GATA4: variants seen among roughly 807,000 people sequenced by gnomAD.
The protein encoded by GATA4 is transcription factor GATA-4.
Under a neutral mutation model 37.9 loss-of-function variants are expected in GATA4, and 7 were observed. That is an observed-to-expected ratio of 0.18 (90% CI 0.11 to 0.35). GATA4 has a LOEUF of 0.35. GATA4 is among the 10% of genes least tolerant of loss of function. The pLI, the probability that GATA4 is intolerant of heterozygous loss-of-function variation, is 1.00. For missense variants in GATA4, 647 were observed against 653.0 expected, an observed-to-expected ratio of 0.99 and a Z score of 0.10; for synonymous variants, 372 against 292.6, an observed-to-expected ratio of 1.27 and a Z score of -2.77.
At chr8:11,733,789 C>T (rs1801319952) in intron 2 of GATA4, among the ~76,000 whole-genome samples, 2 of 152,146 alleles carry the variant, frequency 1.3e-5, no homozygotes, top group South Asian at 4.1e-4. Context: ...ACTGAGGGAG[C>T]CCATTTCTGG....
chr8:11,707,457 GGAGAT>G lies in GATA4; in HGVS notation c.-457-394_-457-390del. 6.6e-6 allele frequency among the ~76,000 whole-genome samples: 1 copy of G among 152,266 alleles called. No individual in the cohort carries two copies. Among genetic ancestry groups the G allele is most frequent in the African/African-American group, 2.4e-5 (1 of 41,546 alleles). On this transcript the variant is annotated intron_variant, in intron 1 of 6. Transcript: ENST00000532059. This position sits in a 1 kb window ranked among gnomAD's most constrained non-coding sequence, Gnocchi z 4.7. ...TTCTTGGGGAGAGATGGGGAACAGAGGAGATGAGAGATTTCTTGGGTCCCAGGCAC... is the reference window on the plus strand; with the variant it reads ...TTCTTGGGGAGAGATGGGGAACAGAGGAGAGATTTCTTGGGTCCCAGGCAC...
chr8:11,691,784 T>C (rs1314583193), upstream of GATA4, among the ~76,000 whole-genome samples: 2 of 152,100 alleles, frequency 1.3e-5, no homozygotes, highest in African/African-American at 4.8e-5. Flanking sequence ...CACAGCAACC[T>C]GGGGTCCCTC....
At chr8:11,737,524 G>GC (rs751757419) in intron 2 of GATA4, among the ~76,000 whole-genome samples, 3 of 152,234 alleles carry the variant, frequency 2.0e-5, no homozygotes, top group Non-Finnish European at 4.4e-5. Flanking sequence ...TCTGGCCAAA[G>GC]CTCCATTGCA....
intron 1 of GATA4, among the ~76,000 whole-genome samples, chr8:11,685,186 A>G (rs957998837): frequency 1.8e-4 from 27 of 152,250 alleles, no homozygotes; most frequent in African/African-American, 5.5e-4. Flanking sequence ...CGATCATTAA[A>G]TTATGTTTTC....
rs919758651 is a variant in GATA4 at position 11,707,065 on chromosome 8, A to G, written c.-457-791A>G. On this transcript the variant is annotated intron_variant, in intron 1 of 6. Coordinates refer to ENST00000532059, the MANE Select transcript of GATA4 (RefSeq NM_001308093.3). This position sits in a 1 kb window ranked among gnomAD's most constrained non-coding sequence, Gnocchi z 4.7. ...CTTATGGGTGGATTTATTATTCTAT[A>G]TGAAGAACCCATTCAGTGAATTAGA... Among the ~76,000 whole-genome samples, 1 of 152,232 alleles carries G rather than the reference A, an allele frequency of 6.6e-6. No homozygotes were observed. The highest frequency in any genetic ancestry group is 2.4e-5 in the African/African-American group (1 of 41,468).
chr8:11,745,762 C>CTTA (rs1485131360), intron 2 of GATA4, among the ~76,000 whole-genome samples: 1 of 152,052 alleles, frequency 6.6e-6, no homozygotes, highest in African/African-American at 2.4e-5. Context: ...GGCCAGTTTG[C>CTTA]TTATTTTTAG....
At chr8:11,719,596 T>C (rs1800581938) in intron 2 of GATA4, among the ~76,000 whole-genome samples, 1 of 152,222 alleles carries the variant, frequency 6.6e-6, no homozygotes, top group African/African-American at 2.4e-5. Context: ...AAATAATTGG[T>C]AATCTTACCA....
intron 1 of GATA4, among the ~76,000 whole-genome samples, chr8:11,706,601 A>C (rs1799899594): frequency 6.6e-6 from 1 of 152,244 alleles, no homozygotes; most frequent in Admixed American, 6.5e-5. Context: ...TTATTCCGTA[A>C]GTCTCAGAGC....
intron 2 of GATA4, among the ~76,000 whole-genome samples, chr8:11,745,255 C>T (rs867761916): frequency 2.6e-5 from 4 of 152,018 alleles, no homozygotes; most frequent in Admixed American, 1.3e-4. Context: ...GGGATTCCTG[C>T]GTCCTTTAAT....
At chr8:11,736,296 A>C (rs1377109087) in intron 2 of GATA4, among the ~76,000 whole-genome samples, 2 of 152,258 alleles carry the variant, frequency 1.3e-5, no homozygotes, top group African/African-American at 4.8e-5. Flanking sequence ...GTTAGAATGC[A>C]GTGCCACGTT....
At chr8:11,711,322 G>T (rs1396747676) in intron 2 of GATA4, among the ~76,000 whole-genome samples, 2 of 152,204 alleles carry the variant, frequency 1.3e-5, no homozygotes, top group Non-Finnish European at 2.9e-5. Context: ...CACAGCCTTT[G>T]AATCTGGCCT....
chr8:11,721,642 A>G (rs1166174555), intron 2 of GATA4, among the ~76,000 whole-genome samples: 1 of 152,066 alleles, frequency 6.6e-6, no homozygotes, highest in Non-Finnish European at 1.5e-5. Flanking sequence ...TTTGAGTTCA[A>G]ATTGAGGGCC....
chr8:11,719,708 G>A (rs906697754), intron 2 of GATA4, among the ~76,000 whole-genome samples: 1 of 152,146 alleles, frequency 6.6e-6, no homozygotes, highest in African/African-American at 2.4e-5. Flanking sequence ...GCAAGTTACT[G>A]TTTAAAGTCA....
At chr8:11,724,738 A>T (rs1012978071) in intron 2 of GATA4, among the ~76,000 whole-genome samples, 2 of 152,040 alleles carry the variant, frequency 1.3e-5, no homozygotes, top group Non-Finnish European at 2.9e-5. Flanking sequence ...GTGTGTATCA[A>T]ATGCATTGCC....
intron 2 of GATA4, among the ~76,000 whole-genome samples, chr8:11,747,069 G>T (rs1483062908): frequency 6.6e-6 from 1 of 152,198 alleles, no homozygotes; most frequent in Non-Finnish European, 1.5e-5. Context: ...GCTGGGTCCT[G>T]TTGGAAAGAG....
upstream of GATA4, among the ~76,000 whole-genome samples, chr8:11,691,116 G>C (rs1227917765): frequency 6.6e-6 from 1 of 152,198 alleles, no homozygotes; most frequent in African/African-American, 2.4e-5. Flanking sequence ...CAGCATACTT[G>C]GCGCTGTGCC....
chr8:11,732,912 T>C (rs1801279214), intron 2 of GATA4, among the ~76,000 whole-genome samples: 1 of 152,152 alleles, frequency 6.6e-6, no homozygotes. Context: ...CGAGAGCTGG[T>C]CCATACCTCT....
chr8:11,680,961 G>C (rs915159413), intron 1 of GATA4: 1 of 984,372 alleles, frequency 1.0e-6, no homozygotes. Flanking sequence ...CCCCAGGTTA[G>C]GCTGCTGGTA....
chr8:11,753,723 A>G (rs1179323392), intron 4 of GATA4, among the ~76,000 whole-genome samples: 2 of 152,150 alleles, frequency 1.3e-5, no homozygotes, highest in Non-Finnish European at 2.9e-5. Flanking sequence ...GTTAAATAGG[A>G]GGCCAGTTCA....
Sources: gnomAD v4.1 joint callset for allele counts (sites outside exome capture counted in the v4.1 genomes callset) on GRCh38, gnomAD v4.1.1 for gene constraint, Gnocchi (gnomAD v3.1) non-coding constraint, MANE v1.5 for transcripts, NCBI Gene and HGNC (gene_info 2026-07-23, HGNC 2026-07-21) for gene names.